The following LINGO1 variants were observed in gnomAD, a reference collection of about 807,000 sequenced individuals.
LINGO1 encodes the protein leucine-rich repeat and immunoglobulin-like domain-containing nogo receptor-interacting protein 1.
Under a neutral mutation model 37.3 loss-of-function variants are expected in LINGO1, and 11 were observed. The observed-to-expected ratio is 0.29, with a 90% CI of 0.19 to 0.49. LINGO1 has a LOEUF of 0.49. LINGO1 is among the 20% of genes least tolerant of loss of function. The pLI, the probability that LINGO1 is intolerant of heterozygous loss-of-function variation, is 0.99. For missense variants in LINGO1, 585 were observed against 878.2 expected (o/e 0.67, Z 4.22); for synonymous variants, 387 against 403.0 (o/e 0.96, Z 0.48).
At chr15:77,719,014 A>G (rs937692353) in intron 2 of LINGO1, among the ~76,000 whole-genome samples, 1 of 150,374 alleles carries the variant, frequency 6.7e-6, no homozygotes, top group African/African-American at 2.4e-5. Context: ...CAGAGTGTGG[A>G]CCTGCCTGAG....
chr15:77,678,881 G>GT (rs2075369483), intron 2 of LINGO1, among the ~76,000 whole-genome samples: 1 of 152,004 alleles, frequency 6.6e-6, no homozygotes, highest in African/African-American at 2.4e-5. Context: ...TTGCATTGTG[G>GT]GTTTTTTTGT....
chr15:77,718,921 A>G, intron 2 of LINGO1, among the ~76,000 whole-genome samples: 1 of 150,672 alleles, frequency 6.6e-6, no homozygotes, highest in Admixed American at 6.6e-5. Flanking sequence ...TTATTTCCTC[A>G]TTTCTAGCAG....
Position 77,632,188 on chromosome 15 carries a change from G to T in LINGO1, c.6+122C>A. 1 of 1,024,412 alleles carries T rather than the reference G, an allele frequency of 9.8e-7. No homozygotes were observed. Among genetic ancestry groups the T allele is most frequent in the African/African-American group, 1.7e-5 (1 of 59,942 alleles). The allele number at this position is 1,024,412 out of a possible 1,614,324, so 63.5% of individuals were successfully genotyped here. ...AATCAGGCCTATGACCCCAAAGGAG[G>T]TCTGGGTGGCACCGAGGTGCCCTGC... On this transcript the variant is annotated intron_variant, in intron 1 of 1. Coordinates refer to ENST00000355300, the MANE Select transcript of LINGO1 (RefSeq NM_032808.7). This position sits in a 1 kb window ranked among gnomAD's most constrained non-coding sequence, Gnocchi z 6.0.
intron 2 of LINGO1, among the ~76,000 whole-genome samples, chr15:77,727,128 C>T (rs113363611): frequency 2.6e-5 from 4 of 152,162 alleles, no homozygotes; most frequent in African/African-American, 4.8e-5. Flanking sequence ...TTGTGTATTG[C>T]TAGTAGGAAT....
At chr15:77,785,491 C>T (rs1252371765) in intron 1 of LINGO1, among the ~76,000 whole-genome samples, 1 of 152,114 alleles carries the variant, frequency 6.6e-6, no homozygotes, top group Non-Finnish European at 1.5e-5. Flanking sequence ...AAGGCTGTGT[C>T]CCAGGACCGT....
chr15:77,676,856 G>A (rs1389941283), intron 3 of LINGO1, among the ~76,000 whole-genome samples: 1 of 152,212 alleles, frequency 6.6e-6, no homozygotes, highest in African/African-American at 2.4e-5. Context: ...AAAGCCTGGT[G>A]AGGAAGAATG....
chr15:77,778,131 T>C (rs1343430268), intron 1 of LINGO1, among the ~76,000 whole-genome samples: 1 of 152,248 alleles, frequency 6.6e-6, no homozygotes, highest in East Asian at 1.9e-4. Flanking sequence ...TATCCATTCC[T>C]GGCCTCTTCC....
At chr15:77,812,748 A>T (rs2077015984) in intron 1 of LINGO1, among the ~76,000 whole-genome samples, 1 of 152,246 alleles carries the variant, frequency 6.6e-6, no homozygotes, top group African/African-American at 2.4e-5. Flanking sequence ...ATCAATCACT[A>T]ATTGCTGAGT....
chr15:77,751,086 C>T (rs545501015), intron 1 of LINGO1, among the ~76,000 whole-genome samples: 4 of 152,248 alleles, frequency 2.6e-5, no homozygotes, highest in South Asian at 4.2e-4. Context: ...GTGTCCAGGG[C>T]GGGGCACAGA....
chr15:77,721,641 C>T (rs1169965531), intron 2 of LINGO1, among the ~76,000 whole-genome samples: 1 of 152,168 alleles, frequency 6.6e-6, no homozygotes, highest in Non-Finnish European at 1.5e-5. Flanking sequence ...TACCACAGTG[C>T]TTGGCTCCTG....
intron 1 of LINGO1, among the ~76,000 whole-genome samples, chr15:77,816,067 T>C (rs1178274090): frequency 6.6e-6 from 1 of 152,188 alleles, no homozygotes; most frequent in Non-Finnish European, 1.5e-5. Flanking sequence ...ATAGATCAAG[T>C]GCCGGAAAAT....
chr15:77,634,428 C>T (rs183214001), upstream of LINGO1: 1,248 of 440,022 alleles, frequency 2.8e-3, 2 homozygotes, highest in Non-Finnish European at 4.8e-3. Flanking sequence ...AGCAGGCGTC[C>T]ATGCTATGCT....
chr15:77,642,856 C>T lies in LINGO1; in HGVS notation c.-12-26956G>A, dbSNP rs115489063. 2.6e-3 allele frequency among the ~76,000 whole-genome samples: 393 copies of T among 152,366 alleles called. 1 individual carries two copies. Among genetic ancestry groups the T allele is most frequent in the African/African-American group, 8.8e-3 (368 of 41,584 alleles). On this transcript the variant is annotated intron_variant, in intron 3 of 3. Coordinates refer to the LINGO1 transcript ENST00000559893. ...CCTCTTCTCCCAGGGGTCCTCTCTGCACCCCTTATCTCACTTGTGCAGCCT... is the reference window on the plus strand; with the variant it reads ...CCTCTTCTCCCAGGGGTCCTCTCTGTACCCCTTATCTCACTTGTGCAGCCT...
chr15:77,623,924 G>A (rs530484757), intron 1 of LINGO1, among the ~76,000 whole-genome samples: 1 of 139,578 alleles, frequency 7.2e-6, no homozygotes, highest in South Asian at 2.2e-4. Context: ...ACTGATGTGT[G>A]TGTGTGGACT....
intron 1 of LINGO1, among the ~76,000 whole-genome samples, chr15:77,740,637 T>C (rs1039042450): frequency 7.9e-5 from 12 of 152,250 alleles, no homozygotes; most frequent in Non-Finnish European, 1.5e-4. Flanking sequence ...TCAGGAGGTT[T>C]TGACTCCAAT....
chr15:77,793,514 A>G (rs1194006966), intron 2 of LINGO1, among the ~76,000 whole-genome samples: 1 of 151,980 alleles, frequency 6.6e-6, no homozygotes, highest in African/African-American at 2.4e-5. Flanking sequence ...CTCCCCTACC[A>G]CTGCACCTTT....
At chr15:77,622,232 C>A (rs1227210186) in intron 1 of LINGO1, among the ~76,000 whole-genome samples, 2 of 151,784 alleles carry the variant, frequency 1.3e-5, no homozygotes, top group Non-Finnish European at 2.9e-5. Context: ...CCCAGAGACA[C>A]CCGGGAGACA....
Position 77,752,094 on chromosome 15 carries a change from C to T in LINGO1, c.-256-17041G>A, listed in dbSNP as rs771087509. Among the ~76,000 whole-genome samples the T allele has an allele frequency of 1.5e-3, 231 of 152,338 alleles. 1 individual carries two copies. The highest frequency in any genetic ancestry group is 2.5e-3 in the Non-Finnish European group (167 of 68,036). ...GACAGAACCAGGATCTATGTCATCC[C>T]AAGGCCTTTCGTTACCCCATGCTGC... On this transcript the variant is annotated intron_variant, in intron 1 of 3. Coordinates refer to the LINGO1 transcript ENST00000561686.
intron 3 of LINGO1, chr15:77,641,745 C>T (rs1596032952): frequency 2.4e-6 from 1 of 416,470 alleles, no homozygotes; most frequent in Non-Finnish European, 4.9e-6. Context: ...AGAGAAGAGG[C>T]CCAGAGACAC....
Sources: allele counts gnomAD v4.1 joint callset (sites outside exome capture counted in the v4.1 genomes callset), GRCh38; gene constraint gnomAD v4.1.1; non-coding constraint Gnocchi (gnomAD v3.1); transcripts MANE v1.5; gene names NCBI Gene and HGNC (gene_info 2026-07-23, HGNC 2026-07-21).